VTI1A: variants seen among roughly 807,000 people sequenced by gnomAD.
The protein encoded by VTI1A is vesicle transport through interaction with t-SNAREs homolog 1A.
VTI1A carries 22 observed loss-of-function variants against 34.9 expected under a neutral mutation model. That is an observed-to-expected ratio of 0.63 (90% CI 0.45 to 0.90). The LOEUF is 0.90. Ranked by LOEUF, VTI1A falls within the 40% of genes least tolerant of loss-of-function variation. VTI1A has a pLI of 0.00. For synonymous variants in VTI1A, 87 were observed against 97.3 expected (o/e 0.89, Z 0.62); for missense variants, 268 against 275.6 (o/e 0.97, Z 0.20).
chr10:112,548,766 G>C, intron 5 of VTI1A: 1 of 1,472,480 alleles, frequency 6.8e-7, no homozygotes, highest in Non-Finnish European at 9.2e-7. Flanking sequence ...AGTCTGAGAA[G>C]CTCTCGACAC....
chr10:112,832,554 G>A, the VTI1A span: 2 of 152,238 alleles, frequency 1.3e-5, no homozygotes, highest in African/African-American at 4.8e-5. Flanking sequence ...AATGAAGGGC[G>A]GCACTGACCC....
intron 5 of VTI1A, among the ~76,000 whole-genome samples, chr10:112,596,948 G>A (rs1459312703): frequency 6.6e-6 from 1 of 152,186 alleles, no homozygotes; most frequent in African/African-American, 2.4e-5. Flanking sequence ...ATTTGATACA[G>A]TCAAATCTTT....
At chr10:112,815,206 A>G in intron 7 of VTI1A, 84 bp from the exon 8 acceptor site, 1 of 637,924 alleles carries the variant, frequency 1.6e-6, no homozygotes, top group South Asian at 1.5e-5. Flanking sequence ...CTGCCGTTTG[A>G]TTAGCCAACC....
At chr10:112,531,061 C>CCACACACACACACACACACACACA (rs748909123) in intron 4 of VTI1A, among the ~76,000 whole-genome samples, 1 of 90,240 alleles carries the variant, frequency 1.1e-5, no homozygotes. Context: ...ACGTGACACA[C>CCACACACACACACACACACACACA]CTCACACACA....
chr10:112,696,319 A>G (rs1014085881), intron 7 of VTI1A, among the ~76,000 whole-genome samples: 7 of 152,178 alleles, frequency 4.6e-5, no homozygotes, highest in African/African-American at 1.7e-4. Context: ...TCTTCTTTAT[A>G]GATTTTCTCC....
At chr10:112,447,666 C>G (rs1474093571) in intron 1 of VTI1A, among the ~76,000 whole-genome samples, 199 bp downstream of exon 1, 1 of 152,124 alleles carries the variant, frequency 6.6e-6, no homozygotes, top group Non-Finnish European at 1.5e-5. Context: ...AAAGAGCCTT[C>G]GGAATCTGAG....
At chr10:112,694,776 C>G (rs1298335165) in intron 7 of VTI1A, among the ~76,000 whole-genome samples, 1 of 152,086 alleles carries the variant, frequency 6.6e-6, no homozygotes, top group Non-Finnish European at 1.5e-5. Flanking sequence ...CGAGACTAGC[C>G]TGGCCAACAT....
At chr10:112,687,409 A>G (rs1465925708) in intron 7 of VTI1A, among the ~76,000 whole-genome samples, 1 of 150,596 alleles carries the variant, frequency 6.6e-6, no homozygotes, top group Non-Finnish European at 1.5e-5. Context: ...AATTTTTTGT[A>G]TTTTTAGTAG....
chr10:112,551,596 T>C (rs1390865567), intron 5 of VTI1A, among the ~76,000 whole-genome samples: 2 of 152,252 alleles, frequency 1.3e-5, no homozygotes, highest in Non-Finnish European at 2.9e-5. Context: ...TTGGCTGTTA[T>C]ATAAATATAA....
chr10:112,712,710 T>TGTA (rs1383655087), intron 7 of VTI1A, among the ~76,000 whole-genome samples: 4 of 152,160 alleles, frequency 2.6e-5, no homozygotes, highest in African/African-American at 9.7e-5. Context: ...ATTTTCCACT[T>TGTA]GTACTTCACT....
At chr10:112,659,729 G>A (rs111763776) in intron 5 of VTI1A, among the ~76,000 whole-genome samples, 3 of 152,092 alleles carry the variant, frequency 2.0e-5, no homozygotes, top group Admixed American at 1.3e-4. Flanking sequence ...ACACACACGC[G>A]CACGCGCGTG....
Position 112,817,903 on chromosome 10 carries a change from G to A in VTI1A, c.*2520G>A, listed in dbSNP as rs1416468715. 8.6e-6 allele frequency: 2 copies of A among 233,086 alleles called. No individual in the cohort carries two copies. Among genetic ancestry groups the A allele is most frequent in the African/African-American group, 2.2e-5 (1 of 45,324 alleles). 14.4% of individuals were successfully genotyped at this position (233,086 alleles called of 1,614,324 possible). On this transcript the variant is annotated 3_prime_UTR_variant, in exon 8 of 8. Coordinates refer to ENST00000393077, the MANE Select transcript of VTI1A (RefSeq NM_145206.4). ...GGAGGAAGAAGAGAAGGAAGCCCTT[G>A]CCATATAAAATTCATGCAGACTAAA...
intron 1 of VTI1A, among the ~76,000 whole-genome samples, chr10:112,458,771 A>G (rs1305250856): frequency 2.0e-5 from 3 of 151,776 alleles, no homozygotes; most frequent in Non-Finnish European, 4.4e-5. Flanking sequence ...GGTTCAAGCA[A>G]TTCTCCTGCC....
At chr10:112,705,226 T>C (rs993316085) in intron 7 of VTI1A, among the ~76,000 whole-genome samples, 5 of 152,092 alleles carry the variant, frequency 3.3e-5, no homozygotes, top group African/African-American at 4.8e-5. Flanking sequence ...TTTGAATTGG[T>C]CAGGATTCTT....
At chr10:112,678,881 G>C (rs17130007) in intron 7 of VTI1A, among the ~76,000 whole-genome samples, 15,408 of 152,210 alleles carry the variant, frequency 0.1, 825 homozygotes, top group Middle Eastern at 0.14. Context: ...AAACGCAGGA[G>C]GACAAAAGGG....
intron 7 of VTI1A, among the ~76,000 whole-genome samples, chr10:112,688,386 C>CT (rs891197150): frequency 2.6e-5 from 4 of 151,776 alleles, no homozygotes; most frequent in Admixed American, 2.0e-4. Flanking sequence ...TCTCCCCTCC[C>CT]TTTTTTTTAG....
chr10:112,523,505 G>A (rs915578718), intron 3 of VTI1A, among the ~76,000 whole-genome samples: 3 of 152,064 alleles, frequency 2.0e-5, no homozygotes, highest in Non-Finnish European at 4.4e-5. Flanking sequence ...ATGTAAGTTA[G>A]AAGAAGTAAA....
At chr10:112,631,810 G>T (rs749045935) in intron 5 of VTI1A, among the ~76,000 whole-genome samples, 3 of 152,136 alleles carry the variant, frequency 2.0e-5, no homozygotes, top group Non-Finnish European at 4.4e-5. Flanking sequence ...ACTGTGTCTT[G>T]TTTGTCGTGA....
chr10:112,449,808 A>C (rs1438749349), intron 1 of VTI1A: 1 of 152,232 alleles, frequency 6.6e-6, no homozygotes, highest in Non-Finnish European at 1.5e-5. Context: ...GTATTATATA[A>C]GGCCCAAACA....
Sources: allele counts gnomAD v4.1 joint callset (sites outside exome capture counted in the v4.1 genomes callset), GRCh38; gene constraint gnomAD v4.1.1; transcripts MANE v1.5; gene names NCBI Gene and HGNC (gene_info 2026-07-23, HGNC 2026-07-21).